The following UGT2B15 variants were observed in gnomAD, a reference collection of about 807,000 sequenced individuals.
UGT2B15 encodes the protein UDP glucuronosyltransferase family 2 member B15, also known as UDP-glucuronosyltransferase 2B15.
UGT2B15 carries 36 observed loss-of-function variants against 45.9 expected under a neutral mutation model. The observed-to-expected ratio is 0.78, with a 90% CI of 0.60 to 1.04. UGT2B15 has a LOEUF of 1.04. UGT2B15 is among the 50% of genes least tolerant of loss of function. The probability of loss-of-function intolerance (pLI) is 0.00; values close to 1 mark genes in which losing one functional copy is unlikely to be tolerated. For missense variants in UGT2B15, 617 were observed against 622.4 expected (o/e 0.99, Z 0.09); for synonymous variants, 219 against 216.4 (o/e 1.01, Z -0.11).
chr4:68,670,575 C>G lies in UGT2B15; in HGVS notation c.44G>C (p.Ser15Thr). The change falls in exon 1 of 6, where the codon AGT becomes ACT. Residue 15 changes from serine (S) to threonine (T), a missense_variant. Ser to Thr is a moderately conservative substitution (Grantham distance 58, BLOSUM62 1). Coordinates refer to ENST00000338206, the MANE Select transcript of UGT2B15 (RefSeq NM_001076.4). Reference sequence around the variant, plus strand: ...ACAGCTTCCAGAGCTAAAGTAACAACTGAGCTGTATCAGCAGAAAGACTGA... The same window carrying G: ...ACAGCTTCCAGAGCTAAAGTAACAAGTGAGCTGTATCAGCAGAAAGACTGA... The part of the protein sequence containing the change: ...WTSVFLLIQL[S>T]CYFSSGSCGK... 6.2e-7 allele frequency: 1 copy of G among 1,600,784 alleles called. No individual in the cohort carries two copies. Among genetic ancestry groups the G allele is most frequent in the Non-Finnish European group, 8.5e-7 (1 of 1,176,966 alleles).
At chr4:68,660,020 G>A (rs78481267) in intron 3 of UGT2B15, among the ~76,000 whole-genome samples, 138,282 of 147,720 alleles carry the variant, frequency 0.94, 65,159 homozygotes, top group East Asian at 1. Flanking sequence ...AATTTAGAAC[G>A]TATTTGTTTC....
chr4:68,657,467 G>T (rs913476189), intron 3 of UGT2B15, among the ~76,000 whole-genome samples: 12 of 152,028 alleles, frequency 7.9e-5, no homozygotes. Flanking sequence ...AGCACACATT[G>T]ATTCACCACA....
intron 2 of UGT2B15, among the ~76,000 whole-genome samples, chr4:68,665,241 C>T (rs1159151667): frequency 6.6e-6 from 1 of 152,092 alleles, no homozygotes; most frequent in Admixed American, 6.6e-5. Context: ...ACTCAATGTA[C>T]ATATGTGATG....
chr4:68,670,601 C>T lies in UGT2B15; in HGVS notation c.18G>A (p.Thr6=), dbSNP rs1300097151. 6.3e-6 allele frequency: 10 copies of T among 1,580,004 alleles called. No homozygotes were observed. The highest frequency in any genetic ancestry group is 4.1e-5 in the Admixed American group (2 of 48,832). Reference sequence around the variant, plus strand: ...TGAGCTGTATCAGCAGAAAGACTGACGTCCATTTCAGAGACATCCTGGTCT... The same window carrying T: ...TGAGCTGTATCAGCAGAAAGACTGATGTCCATTTCAGAGACATCCTGGTCT... MSLKW[T]SVFLLIQLSC... The change falls in exon 1 of 6, where the codon ACG becomes ACA. Residue 6 remains threonine, a synonymous_variant. Coordinates refer to ENST00000338206, the MANE Select transcript of UGT2B15 (RefSeq NM_001076.4).
intron 3 of UGT2B15, among the ~76,000 whole-genome samples, chr4:68,658,097 A>C (rs1173708616): frequency 2.6e-5 from 4 of 152,040 alleles, no homozygotes; most frequent in African/African-American, 4.8e-5. Flanking sequence ...ATTCATACAG[A>C]TTACCTATTG....
At chr4:68,656,790 G>C (rs950253961) in intron 3 of UGT2B15, among the ~76,000 whole-genome samples, 1 of 151,872 alleles carries the variant, frequency 6.6e-6, no homozygotes, top group African/African-American at 2.4e-5. Context: ...TCCAAGAGTT[G>C]TGGGCAGATT....
chr4:68,670,027 C>T lies in UGT2B15; in HGVS notation c.592G>A (p.Val198Ile), dbSNP rs777096825. The change falls in exon 1 of 6, where the codon GTT (valine) becomes ATT (isoleucine). Residue 198 changes from valine to isoleucine, a missense_variant. Around this residue, in one of 3 missense-constraint regions of UGT2B15, gnomAD observed 351 missense variants for 342.1 expected, o/e 1.03. Coordinates refer to ENST00000338206, the MANE Select transcript of UGT2B15 (RefSeq NM_001076.4). ...ATTTGATCACTTAATTCTGACATAA[C>T]AACAGGTACATAGGAAGGAGGGAAC... is the stretch of plus-strand genomic sequence containing the variant. ...FLFPPSYVPVVMSELSDQMIF... is the reference protein window; with the variant it reads ...FLFPPSYVPVIMSELSDQMIF... 1.2e-4 allele frequency: 189 copies of T among 1,613,878 alleles called. No homozygotes were observed. Among genetic ancestry groups the T allele is most frequent in the Non-Finnish European group, 1.6e-4 (187 of 1,179,976 alleles).
intron 3 of UGT2B15, among the ~76,000 whole-genome samples, chr4:68,658,132 G>C (rs527741395): frequency 6.6e-6 from 1 of 152,000 alleles, no homozygotes; most frequent in East Asian, 1.9e-4. Context: ...GAATTTGGAA[G>C]TCTAATATGG....
intron 3 of UGT2B15, among the ~76,000 whole-genome samples, chr4:68,660,938 T>C (rs1312776137): frequency 8.6e-5 from 13 of 152,002 alleles, no homozygotes; most frequent in Non-Finnish European, 1.9e-4. Context: ...TGGGCCTATA[T>C]TAATTTTCAA....
intron 5 of UGT2B15, among the ~76,000 whole-genome samples, chr4:68,653,290 G>T (rs924471711): frequency 5.3e-5 from 8 of 151,820 alleles, no homozygotes; most frequent in African/African-American, 1.7e-4. Flanking sequence ...ACATATCAAA[G>T]AATATTATAT....
chr4:68,665,452 G>C (rs998788774), intron 2 of UGT2B15, among the ~76,000 whole-genome samples: 10 of 152,102 alleles, frequency 6.6e-5, no homozygotes, highest in Middle Eastern at 6.8e-3. Flanking sequence ...ATTTCTTAAT[G>C]TAAGATATTT....
rs1733255743 is a variant in UGT2B15 at position 68,670,030 on chromosome 4, C to T, written c.589G>A (p.Val197Ile). The T allele has an allele frequency of 1.2e-6, 2 of 1,613,928 alleles. No individual in the cohort carries two copies. Among genetic ancestry groups the T allele is most frequent in the Admixed American group, 1.7e-5 (1 of 59,974 alleles). ...GFLFPPSYVPVVMSELSDQMI... is the reference protein window; with the variant it reads ...GFLFPPSYVPIVMSELSDQMI... ...TGATCACTTAATTCTGACATAACAACAGGTACATAGGAAGGAGGGAACAGA... is the reference window on the plus strand; with the variant it reads ...TGATCACTTAATTCTGACATAACAATAGGTACATAGGAAGGAGGGAACAGA... Residue 197 changes from valine (V) to isoleucine (I), a missense_variant, in exon 1 of 6, where the codon GTT becomes ATT. Transcript: ENST00000338206.
rs928322937 is a variant in UGT2B15 at position 68,652,894 on chromosome 4, C to T, written c.1313+1143G>A. 6.6e-4 allele frequency among the ~76,000 whole-genome samples: 100 copies of T among 151,826 alleles called. 1 individual carries two copies. Among genetic ancestry groups the T allele is most frequent in the East Asian group, 3.3e-3 (17 of 5,170 alleles). On this transcript the variant is annotated intron_variant, in intron 5 of 5. Coordinates refer to ENST00000338206, the MANE Select transcript of UGT2B15 (RefSeq NM_001076.4). ...TTATCTAAGGAAGATGTGTGAATGA[C>T]CAGTAAGCACATGAAAAGAGGGTTA...
At position 68,655,174 on chromosome 4, in the gene UGT2B15, C is replaced by CCATAGAA; in HGVS notation, c.1007_1013dup (p.Trp338CysfsTer6). ...TATTTGGCTTCTTGCCATCAAATCT[C>CCATAGAA]CATAGAACCTGTTAGGGCAAGGAAA... On this transcript the variant is annotated frameshift_variant, in exon 4 of 6. Transcript: ENST00000338206. LOFTEE classifies it high-confidence loss of function. The CCATAGAA allele has an allele frequency of 6.2e-7, 1 of 1,613,256 alleles. No individual in the cohort carries two copies. The highest frequency in any genetic ancestry group is 1.7e-4 in the Middle Eastern group (1 of 6,048).
At chr4:68,667,021 A>G (rs1018676439) in intron 2 of UGT2B15, among the ~76,000 whole-genome samples, 2 of 152,050 alleles carry the variant, frequency 1.3e-5, no homozygotes, top group African/African-American at 4.8e-5. Context: ...TGCTGGGATT[A>G]CAGGTGTAAG....
chr4:68,659,093 T>A (rs1234071728), intron 3 of UGT2B15, among the ~76,000 whole-genome samples: 2 of 152,042 alleles, frequency 1.3e-5, no homozygotes, highest in African/African-American at 4.8e-5. Flanking sequence ...TATCTTATGG[T>A]CAAGATTAGA....
intron 4 of UGT2B15, among the ~76,000 whole-genome samples, 186 bp downstream of exon 4, chr4:68,654,909 A>C (rs1482038150): frequency 6.6e-6 from 1 of 152,134 alleles, no homozygotes; most frequent in Non-Finnish European, 1.5e-5. Flanking sequence ...TGTATGTAAT[A>C]AAATGCCAAC....
intron 3 of UGT2B15, among the ~76,000 whole-genome samples, chr4:68,656,016 T>C (rs1326449460): frequency 1.3e-5 from 2 of 152,030 alleles, no homozygotes; most frequent in African/African-American, 2.4e-5. Flanking sequence ...AAGAAGACAA[T>C]TGGCTGAGGT....
intron 2 of UGT2B15, among the ~76,000 whole-genome samples, chr4:68,664,922 T>C (rs933419330): frequency 7.9e-5 from 12 of 152,150 alleles, no homozygotes; most frequent in African/African-American, 2.9e-4. Flanking sequence ...TCATGAGGCA[T>C]CCAGGAACTC....
Sources: gnomAD v4.1 joint callset for allele counts (sites outside exome capture counted in the v4.1 genomes callset) on GRCh38, gnomAD v4.1.1 for gene constraint, gnomAD v4.1.1 regional missense constraint, MANE v1.5 for transcripts, NCBI Gene and HGNC (gene_info 2026-07-23, HGNC 2026-07-21) for gene names.